MYO16: variants seen among roughly 807,000 people sequenced by gnomAD.
MYO16 encodes the protein unconventional myosin-XVI.
A neutral mutation model predicts 205.3 loss-of-function variants in MYO16; 94 were observed. That is an observed-to-expected ratio of 0.46 (90% CI 0.39 to 0.54). The LOEUF (loss-of-function observed/expected upper bound fraction) is 0.54, where lower values mean the gene tolerates loss of function less well. MYO16 is among the 20% of genes least tolerant of loss of function. The probability of loss-of-function intolerance (pLI) is 0.00; values close to 1 mark genes in which losing one functional copy is unlikely to be tolerated. For synonymous variants in MYO16, 988 were observed against 954.0 expected (o/e 1.04, Z -0.66); for missense variants, 2,315 against 2,387.5 (o/e 0.97, Z 0.63).
At chr13:109,132,050 A>G (rs4773031) in intron 31 of MYO16, among the ~76,000 whole-genome samples, 6,716 of 152,324 alleles carry the variant, frequency 0.044, 234 homozygotes, top group Non-Finnish European at 0.067. Context: ...GCAAAGTTAC[A>G]TGCATATAAC....
At chr13:109,168,842 T>A (rs776371778) in intron 33 of MYO16, among the ~76,000 whole-genome samples, 1 of 152,150 alleles carries the variant, frequency 6.6e-6, no homozygotes, top group Non-Finnish European at 1.5e-5. Context: ...AACAGAACTT[T>A]TAGGACATGT....
At chr13:108,624,536 C>G (rs1879660436) in intron 1 of MYO16, among the ~76,000 whole-genome samples, 1 of 152,132 alleles carries the variant, frequency 6.6e-6, no homozygotes, top group South Asian at 2.1e-4. Context: ...TGTCCAAGGT[C>G]AAACACCTGA....
chr13:108,718,564 AAG>A (rs1383269161), intron 3 of MYO16, among the ~76,000 whole-genome samples: 1 of 151,868 alleles, frequency 6.6e-6, no homozygotes, highest in African/African-American at 2.4e-5. Context: ...AGGGGCAGGA[AAG>A]AGAGCGGGCA....
At chr13:108,879,270 G>A (rs1214990905) in intron 12 of MYO16, among the ~76,000 whole-genome samples, 2 of 152,130 alleles carry the variant, frequency 1.3e-5, no homozygotes, top group Admixed American at 6.6e-5. Context: ...TCTCATTGTG[G>A]ATCATGTATT....
At chr13:108,887,990 A>G (rs1879981630) in intron 13 of MYO16, among the ~76,000 whole-genome samples, 1 of 152,108 alleles carries the variant, frequency 6.6e-6, no homozygotes, top group Non-Finnish European at 1.5e-5. Flanking sequence ...TGCTAAGCTG[A>G]GTCAAGTTGG....
chr13:108,663,621 C>T (rs764329960), intron 1 of MYO16, among the ~76,000 whole-genome samples: 4 of 152,202 alleles, frequency 2.6e-5, no homozygotes, highest in Non-Finnish European at 2.9e-5. Context: ...CCACCCTCTA[C>T]ATTCCCTCTT....
chr13:108,631,284 C>T (rs1298998714), intron 1 of MYO16, among the ~76,000 whole-genome samples: 1 of 152,164 alleles, frequency 6.6e-6, no homozygotes, highest in African/African-American at 2.4e-5. Flanking sequence ...TGGTGGAGGG[C>T]AGCCATGGAG....
rs983549163 is a variant in MYO16 at position 109,011,115 on chromosome 13, A to T, written c.2595+2066A>T. ...CTTTCTTCTTCAAATTCCTTTATCT[A>T]AAAACACTTTTGTGTGGCAACAGCA... On this transcript the variant is annotated intron_variant, in intron 22 of 34. Coordinates refer to ENST00000457511, the MANE Select transcript of MYO16 (RefSeq NM_001198950.3). Among the ~76,000 whole-genome samples, 4 of 151,820 alleles carry T rather than the reference A, an allele frequency of 2.6e-5. No homozygotes were observed. In the South Asian group the frequency reaches 8.3e-4, roughly 32 times the overall value.
At chr13:109,023,661 A>G (rs1286032928) in intron 23 of MYO16, among the ~76,000 whole-genome samples, 2 of 129,508 alleles carry the variant, frequency 1.5e-5, no homozygotes, top group Non-Finnish European at 3.1e-5. Flanking sequence ...GTATATATGT[A>G]TATATGCAAA....
Position 109,141,174 on chromosome 13 carries a change from C to G in MYO16, c.4962C>G (p.Phe1654Leu). 6.2e-7 allele frequency: 1 copy of G among 1,609,638 alleles called. No homozygotes were observed. Among genetic ancestry groups the G allele is most frequent in the African/African-American group, 1.3e-5 (1 of 74,670 alleles). The change falls in exon 32 of 35, where the codon TTC (phenylalanine) becomes TTG (leucine). Residue 1654 changes from phenylalanine to leucine, a missense_variant. Physicochemically the swap from Phe to Leu is conservative, Grantham distance 22 (BLOSUM62 0). Around this residue, in one of 3 missense-constraint regions of MYO16, gnomAD observed 1,097 missense variants for 1,092.0 expected, o/e 1.00. Transcript: ENST00000457511. The surrounding 1 kb of genome is among the most constrained non-coding windows in gnomAD (Gnocchi z 4.1). Reference sequence around the variant, plus strand: ...CCGTGGCCGGGCCCTGCAGCTCCTTCCCCAAGATCCCATATTCCCCCGTGA... The same window carrying G: ...CCGTGGCCGGGCCCTGCAGCTCCTTGCCCAAGATCCCATATTCCCCCGTGA... The part of the protein sequence containing the change: ...SAPVAGPCSS[F>L]PKIPYSPVKA...
In MYO16 at chr13:109,183,633, C is replaced by T. The variant is rs540908914; in HGVS notation, c.5415+4000C>T. 9.2e-5 allele frequency among the ~76,000 whole-genome samples: 14 copies of T among 152,294 alleles called. No individual in the cohort carries two copies. The East Asian group carries it at 2.5e-3, about 27-fold the overall frequency. ...CTGCTCTCCACAGTAATATCATGTG[C>T]TTTATGTTCTTTTATTTTCATTATG... On this transcript the variant is annotated intron_variant, in intron 34 of 34. Coordinates refer to ENST00000457511, the MANE Select transcript of MYO16 (RefSeq NM_001198950.3).
At chr13:108,807,183 A>G (rs1357898400) in intron 7 of MYO16, among the ~76,000 whole-genome samples, 2 of 152,324 alleles carry the variant, frequency 1.3e-5, no homozygotes, top group Non-Finnish European at 1.5e-5. Context: ...AAAGTAACTT[A>G]GTTTTACACT....
chr13:108,731,296 T>G (rs910343727), intron 4 of MYO16, among the ~76,000 whole-genome samples: 2 of 152,204 alleles, frequency 1.3e-5, no homozygotes, highest in Non-Finnish European at 2.9e-5. Flanking sequence ...TCAAGCTACA[T>G]ATATGAATCA....
At chr13:109,071,045 A>T (rs1262221187) in intron 27 of MYO16, among the ~76,000 whole-genome samples, 4 of 152,178 alleles carry the variant, frequency 2.6e-5, no homozygotes, top group African/African-American at 9.6e-5. Context: ...TGGCAACTTA[A>T]GTACTAAATA....
At chr13:109,180,911 T>C (rs977565895) in intron 34 of MYO16, among the ~76,000 whole-genome samples, 5 of 152,226 alleles carry the variant, frequency 3.3e-5, no homozygotes, top group Admixed American at 6.5e-5. Flanking sequence ...GATTTTTGTA[T>C]TGGAGGCCTG....
rs1413035446 is a variant in MYO16, at chr13:109,179,536, CAAT to C, written c.5324-4_5324-2del. On this transcript the variant is annotated splice_region_variant and splice_polypyrimidine_tract_variant and intron_variant, in intron 33 of 34. Transcript: ENST00000457511. ...CTTAACTCCCGATTTGTGTTGACCTCAATAGGTTTACCTGAAGAAGATGGATAC... is the reference window on the plus strand; with the variant it reads ...CTTAACTCCCGATTTGTGTTGACCTCAGGTTTACCTGAAGAAGATGGATAC... 5 of 1,609,860 alleles carry C rather than the reference CAAT, an allele frequency of 3.1e-6. No individual in the cohort carries two copies. The East Asian group carries it at 1.1e-4, about 36-fold the overall frequency.
At chr13:109,067,142 C>T (rs796433708) in intron 27 of MYO16, among the ~76,000 whole-genome samples, 5 of 152,152 alleles carry the variant, frequency 3.3e-5, no homozygotes, top group East Asian at 1.9e-4. Flanking sequence ...TGCTGGGAGT[C>T]GGACTCCACA....
the MYO16 span, among the ~76,000 whole-genome samples, chr13:108,584,199 T>A: frequency 6.6e-6 from 1 of 152,144 alleles, no homozygotes; most frequent in Non-Finnish European, 1.5e-5. Context: ...ATGATCCACC[T>A]GCCTCAGCCT....
In MYO16 at chr13:108,964,754, A is replaced by G. The variant is rs781128179; in HGVS notation, c.2228-7A>G. ...GCTCACTCCTCCTTTTCTTTCTACC[A>G]TTTTAGGGGATATGATAATACGACG... On this transcript the variant is annotated splice_polypyrimidine_tract_variant and splice_region_variant and intron_variant, in intron 19 of 34. Transcript: ENST00000457511. 2.5e-6 allele frequency: 4 copies of G among 1,613,464 alleles called. No homozygotes were observed. The highest frequency in any genetic ancestry group is 3.4e-6 in the Non-Finnish European group (4 of 1,179,784).
Sources: allele counts gnomAD v4.1 joint callset (sites outside exome capture counted in the v4.1 genomes callset), GRCh38; gene constraint gnomAD v4.1.1; regional missense constraint gnomAD v4.1.1; non-coding constraint Gnocchi (gnomAD v3.1); transcripts MANE v1.5; gene names NCBI Gene and HGNC (gene_info 2026-07-23, HGNC 2026-07-21).